Variants in MGMT observed in about 807,000 individuals in gnomAD.
MGMT encodes O-6-methylguanine-DNA methyltransferase, also known as methylated-DNA--protein-cysteine methyltransferase.
MGMT carries 14 observed loss-of-function variants against 15.9 expected under a neutral mutation model. That is an observed-to-expected ratio of 0.88 (90% confidence interval 0.58 to 1.37). The LOEUF is 1.37. Ranked by LOEUF, MGMT falls within the 40% of genes most tolerant of loss-of-function variation. MGMT has a pLI of 0.00. For synonymous variants in MGMT, 130 were observed against 118.2 expected (o/e 1.10, Z -0.65); for missense variants, 282 against 268.1 (o/e 1.05, Z -0.36).
intron 2 of MGMT, among the ~76,000 whole-genome samples, chr10:129,613,298 A>T (rs1052995474): frequency 1.3e-5 from 2 of 152,228 alleles, no homozygotes; most frequent in Admixed American, 6.5e-5. Context: ...TTTGCTGTCC[A>T]GTGATTAAAA....
intron 2 of MGMT, among the ~76,000 whole-genome samples, chr10:129,642,830 G>A (rs1401172344): frequency 6.6e-6 from 1 of 152,124 alleles, no homozygotes; most frequent in African/African-American, 2.4e-5. Context: ...TACTTGGGAG[G>A]CTGAGGCGGG....
chr10:129,762,199 C>T (rs1469853880), intron 4 of MGMT, among the ~76,000 whole-genome samples: 1 of 152,180 alleles, frequency 6.6e-6, no homozygotes, highest in Non-Finnish European at 1.5e-5. Context: ...CTGAGACTCG[C>T]TCATTGAAAA....
chr10:129,560,984 T>TGC lies in MGMT; in HGVS notation c.125+24608_125+24609insCG, dbSNP rs1210656884. ...GTGTGTGTGTGTGTGTGTGTGTGTG[T>TGC]GTGTGTGTGTGTGTTCCTTTCCCAG... On this transcript the variant is annotated intron_variant, in intron 2 of 4. Transcript: ENST00000651593. Among the ~76,000 whole-genome samples, 1,402 of 148,938 alleles carry TGC rather than the reference T, an allele frequency of 9.4e-3. 25 individuals are homozygous for TGC. The highest frequency in any genetic ancestry group is 0.042 in the East Asian group (214 of 5,048).
chr10:129,678,506 C>G (rs993150555), intron 2 of MGMT, among the ~76,000 whole-genome samples: 1 of 152,156 alleles, frequency 6.6e-6, no homozygotes, highest in Non-Finnish European at 1.5e-5. Flanking sequence ...AGAAAGCATG[C>G]ATCACCTCCA....
intron 3 of MGMT, among the ~76,000 whole-genome samples, chr10:129,727,694 C>A (rs988834066): frequency 6.6e-6 from 1 of 152,136 alleles, no homozygotes; most frequent in Non-Finnish European, 1.5e-5. Flanking sequence ...CTCTTGTGTA[C>A]AAATGCTGTA....
chr10:129,751,479 G>A (rs1234663035), intron 3 of MGMT, among the ~76,000 whole-genome samples: 1 of 151,432 alleles, frequency 6.6e-6, no homozygotes, highest in Non-Finnish European at 1.5e-5. Context: ...TAATTTCTTG[G>A]ATTTTACTCT....
chr10:129,598,455 TGCCTGAGGGTCA>T (rs1846778789), intron 2 of MGMT, among the ~76,000 whole-genome samples: 1 of 151,606 alleles, frequency 6.6e-6, no homozygotes, highest in Non-Finnish European at 1.5e-5. Flanking sequence ...CTGGGGGTGC[TGCCTGAGGGTCA>T]GATGTCATCT....
intron 3 of MGMT, among the ~76,000 whole-genome samples, chr10:129,756,956 G>A (rs1051494525): frequency 2.6e-5 from 4 of 152,226 alleles, no homozygotes; most frequent in Non-Finnish European, 2.9e-5. Flanking sequence ...CTTCAAGAAC[G>A]GGTGTCATTC....
In MGMT at chr10:129,533,555, A is replaced by G. The variant is rs1845955053; in HGVS notation, c.-12-2686A>G. Among the ~76,000 whole-genome samples the G allele has an allele frequency of 6.6e-6, 1 of 152,202 alleles. No homozygotes were observed. The highest frequency in any genetic ancestry group is 2.1e-4 in the South Asian group (1 of 4,834). ...ATCGTGCAGGGCGAGTTTCCAAGAA[A>G]TGGCGAGAGAGCATCCAGATTTCTC... is the stretch of plus-strand genomic sequence containing the variant. On this transcript the variant is annotated intron_variant, in intron 1 of 4. Transcript: ENST00000651593. The surrounding 1 kb of genome is among the most constrained non-coding windows in gnomAD (Gnocchi z 4.5).
chr10:129,769,917 T>A lies in MGMT; in HGVS notation c.*2920T>A, dbSNP rs1192604867. On this transcript the variant is annotated 3_prime_UTR_variant, in exon 5 of 5. Transcript: ENST00000651593. ...AGAACTTAGGGGCATGAATTTGCACTTCCAGATGTGAAGGTTGCAGGCACC... is the reference window on the plus strand; with the variant it reads ...AGAACTTAGGGGCATGAATTTGCACATCCAGATGTGAAGGTTGCAGGCACC... 6.6e-6 allele frequency among the ~76,000 whole-genome samples: 1 copy of A among 152,186 alleles called. No individual in the cohort carries two copies. Among genetic ancestry groups the A allele is most frequent in the African/African-American group, 2.4e-5 (1 of 41,456 alleles).
At chr10:129,718,928 C>T in intron 3 of MGMT, among the ~76,000 whole-genome samples, 1 of 151,030 alleles carries the variant, frequency 6.6e-6, no homozygotes, top group Admixed American at 6.6e-5. Flanking sequence ...TTTGCCCGCT[C>T]AGGTGCATCA....
intron 2 of MGMT, among the ~76,000 whole-genome samples, chr10:129,596,366 G>C (rs946767798): frequency 2.6e-5 from 4 of 152,044 alleles, no homozygotes; most frequent in Non-Finnish European, 4.4e-5. Flanking sequence ...TTCATAAATT[G>C]TTTATAAATA....
intron 3 of MGMT, among the ~76,000 whole-genome samples, chr10:129,755,133 G>T (rs1848790407): frequency 6.6e-6 from 1 of 152,238 alleles, no homozygotes; most frequent in African/African-American, 2.4e-5. Flanking sequence ...TGTGCCTTCT[G>T]CCCAGGTTTT....
chr10:129,656,344 C>T (rs1210681467), intron 2 of MGMT, among the ~76,000 whole-genome samples: 1 of 152,188 alleles, frequency 6.6e-6, no homozygotes, highest in African/African-American at 2.4e-5. Flanking sequence ...CATGGGAGGG[C>T]TCCTGGTTGG....
At chr10:129,745,117 A>G (rs1285064194) in intron 3 of MGMT, among the ~76,000 whole-genome samples, 1 of 152,132 alleles carries the variant, frequency 6.6e-6, no homozygotes, top group African/African-American at 2.4e-5. Flanking sequence ...AGAAAATGTG[A>G]CCTAGATTCC....
chr10:129,722,070 G>GA (rs1405110701), intron 3 of MGMT, among the ~76,000 whole-genome samples: 4 of 149,258 alleles, frequency 2.7e-5, no homozygotes, highest in South Asian at 2.1e-4. Context: ...AAGATGGAAG[G>GA]AAAAAAAAAG....
At chr10:129,596,510 T>C (rs1292021926) in intron 2 of MGMT, among the ~76,000 whole-genome samples, 1 of 152,134 alleles carries the variant, frequency 6.6e-6, no homozygotes, top group Non-Finnish European at 1.5e-5. Flanking sequence ...CTCATGGGCA[T>C]GAGCTTGTGT....
At chr10:129,711,689 CA>C (rs1848234694) in intron 3 of MGMT, among the ~76,000 whole-genome samples, 1 of 152,094 alleles carries the variant, frequency 6.6e-6, no homozygotes, top group Non-Finnish European at 1.5e-5. Flanking sequence ...AAAGTGTCAA[CA>C]AAATCCATTT....
At chr10:129,469,251 C>T (rs1010810029) in intron 1 of MGMT, among the ~76,000 whole-genome samples, 2 of 152,182 alleles carry the variant, frequency 1.3e-5, no homozygotes, top group African/African-American at 4.8e-5. Context: ...AAAACCCTGA[C>T]TCTTTCAGTA....
Sources: allele counts gnomAD v4.1 joint callset (sites outside exome capture counted in the v4.1 genomes callset), GRCh38; gene constraint gnomAD v4.1.1; non-coding constraint Gnocchi (gnomAD v3.1); transcripts MANE v1.5; gene names NCBI Gene and HGNC (gene_info 2026-07-23, HGNC 2026-07-21).